NRP2: variants seen among roughly 807,000 people sequenced by gnomAD.
The protein encoded by NRP2 is neuropilin-2.
A neutral mutation model predicts 110.4 loss-of-function variants in NRP2; 52 were observed. That is an observed-to-expected ratio of 0.47 (90% CI 0.38 to 0.59). The LOEUF is 0.59. Among genes scored for constraint, NRP2 ranks in the 20% least tolerant of loss-of-function variants. NRP2 has a pLI of 0.00. For synonymous variants in NRP2, 508 were observed against 468.9 expected, an observed-to-expected ratio of 1.08 and a Z score of -1.08; for missense variants, 1,049 against 1,203.0, an observed-to-expected ratio of 0.87 and a Z score of 1.89.
At chr2:205,702,860 G>A (rs2056589567) in intron 2 of NRP2, among the ~76,000 whole-genome samples, 1 of 152,160 alleles carries the variant, frequency 6.6e-6, no homozygotes, top group Non-Finnish European at 1.5e-5. Context: ...TCCCTCCACA[G>A]TGTCCAGCTG....
intron 7 of NRP2, among the ~76,000 whole-genome samples, chr2:205,736,442 A>G (rs899929327): frequency 1.1e-4 from 17 of 152,342 alleles, no homozygotes; most frequent in African/African-American, 3.8e-4. Context: ...TATAACATAC[A>G]AGGCAACCCA....
intron 3 of NRP2, among the ~76,000 whole-genome samples, chr2:205,717,109 C>G (rs2056914087): frequency 1.3e-5 from 2 of 150,222 alleles, no homozygotes; most frequent in Non-Finnish European, 3.0e-5. Context: ...GACTTTTATT[C>G]ACAAGACCCC....
chr2:205,787,237 G>A (rs2058245326), intron 15 of NRP2, among the ~76,000 whole-genome samples: 1 of 152,108 alleles, frequency 6.6e-6, no homozygotes, highest in African/African-American at 2.4e-5. Flanking sequence ...CCCAGCCTAG[G>A]GCCCTCCACA....
At chr2:205,758,960 C>A (rs2057778380) in intron 12 of NRP2, among the ~76,000 whole-genome samples, 1 of 152,046 alleles carries the variant, frequency 6.6e-6, no homozygotes, top group African/African-American at 2.4e-5. Context: ...TCCAAGTAAT[C>A]AGTAGCCACT....
In NRP2 at chr2:205,722,611, G is replaced by T. The variant is rs767239984; in HGVS notation, c.567G>T (p.Leu189=). The T allele has an allele frequency of 6.2e-7, 1 of 1,614,210 alleles. No individual in the cohort carries two copies. The highest frequency in any genetic ancestry group is 8.5e-7 in the Non-Finnish European group (1 of 1,180,030). Residue 189 remains leucine, a synonymous_variant, in exon 4 of 17, where the codon CTG becomes CTT. Coordinates refer to ENST00000357785, the MANE Select transcript of NRP2 (RefSeq NM_003872.3). ...CCAAACCCAAGATGGAGATCATCCT[G>T]CAGTTCCTGATCTTTGACCTGGAGC... ...ILAKPKMEII[L]QFLIFDLEHD... is the part of the protein sequence containing the mutation.
At chr2:205,684,013 C>T (rs368901170) in intron 1 of NRP2, among the ~76,000 whole-genome samples, 5 of 152,160 alleles carry the variant, frequency 3.3e-5, no homozygotes, top group African/African-American at 1.2e-4. Context: ...GAAAGTAAAT[C>T]GTACGTTCTT....
At chr2:205,699,247 C>G (rs1051020838) in intron 2 of NRP2, among the ~76,000 whole-genome samples, 2 of 152,216 alleles carry the variant, frequency 1.3e-5, no homozygotes, top group African/African-American at 2.4e-5. Flanking sequence ...GATTCCCTGA[C>G]AGTGAACTTT....
At chr2:205,751,585 TA>T (rs2057646440) in intron 11 of NRP2, among the ~76,000 whole-genome samples, 1 of 152,160 alleles carries the variant, frequency 6.6e-6, no homozygotes, top group Admixed American at 6.5e-5. Flanking sequence ...GGGCAAACAT[TA>T]AATATCCTGT....
intron 15 of NRP2, among the ~76,000 whole-genome samples, chr2:205,790,950 T>C (rs2058294374): frequency 6.6e-6 from 1 of 152,236 alleles, no homozygotes; most frequent in South Asian, 2.1e-4. Flanking sequence ...CAAGTTGTTT[T>C]GTGCATCCCT....
At chr2:205,735,206 T>C (rs2057321517) in intron 7 of NRP2, among the ~76,000 whole-genome samples, 1 of 150,296 alleles carries the variant, frequency 6.7e-6, no homozygotes, top group African/African-American at 2.5e-5. Context: ...AGATGAATGG[T>C]ATATAAGAAA....
intron 1 of NRP2, among the ~76,000 whole-genome samples, chr2:205,693,817 T>C (rs2056364356): frequency 6.6e-6 from 1 of 152,226 alleles, no homozygotes; most frequent in Non-Finnish European, 1.5e-5. Flanking sequence ...TCAGTTCAAC[T>C]AAAGCGAGGG....
intron 2 of NRP2, 94 bp downstream of exon 2, chr2:205,697,815 C>G (rs1175838903): frequency 8.1e-6 from 10 of 1,228,030 alleles, no homozygotes. Flanking sequence ...ACCCCTCACC[C>G]CAAGACCTGC....
At chr2:205,697,506 A>C (rs746073365) in intron 1 of NRP2, 38 bp from the exon 2 acceptor site, 1 of 1,577,666 alleles carries the variant, frequency 6.3e-7, no homozygotes, top group South Asian at 1.1e-5. Flanking sequence ...AAGTTGTAAC[A>C]TATTTGAAGT....
chr2:205,765,369 T>TACAC, intron 13 of NRP2, 105 bp from the exon 14 acceptor site: 1 of 710,604 alleles, frequency 1.4e-6, no homozygotes, highest in Non-Finnish European at 2.4e-6. Context: ...CACACACACA[T>TACAC]ACACACACAC....
In NRP2 at chr2:205,766,813, T is replaced by C; in HGVS notation, c.2425+10T>C. 6.2e-7 allele frequency: 1 copy of C among 1,611,874 alleles called. No individual in the cohort carries two copies. Among genetic ancestry groups the C allele is most frequent in the Non-Finnish European group, 8.5e-7 (1 of 1,179,856 alleles). ...ATCTCGGCTTTTGCAGGTGAGAATT[T>C]TAAAGGTAAAAAAAAATTTTTTTTT... On this transcript the variant is annotated intron_variant, in intron 15 of 16. Transcript: ENST00000357785.
rs181896964 is a variant in NRP2 at position 205,720,479 on chromosome 2, G to T, written c.434-1999G>T. Reference sequence around the variant, plus strand: ...CCGCCAGAAAATTCCCCACTCCCAGGGGGGTGGACATTCCCCTTGCCTTCT... The same window carrying T: ...CCGCCAGAAAATTCCCCACTCCCAGTGGGGTGGACATTCCCCTTGCCTTCT... On this transcript the variant is annotated intron_variant, in intron 3 of 16. Coordinates refer to ENST00000357785, the MANE Select transcript of NRP2 (RefSeq NM_003872.3). Among the ~76,000 whole-genome samples, 202 of 152,156 alleles carry T rather than the reference G, an allele frequency of 1.3e-3. 1 individual carries two copies. The highest frequency in any genetic ancestry group is 4.6e-3 in the African/African-American group (190 of 41,534).
At chr2:205,684,785 C>A (rs2056105331) in intron 1 of NRP2, among the ~76,000 whole-genome samples, 1 of 152,236 alleles carries the variant, frequency 6.6e-6, no homozygotes, top group African/African-American at 2.4e-5. Context: ...TTCTAAATTC[C>A]CAGCTTGAAG....
At chr2:205,723,469 C>A (rs538534562) in intron 4 of NRP2, among the ~76,000 whole-genome samples, 1 of 152,182 alleles carries the variant, frequency 6.6e-6, no homozygotes, top group South Asian at 2.1e-4. Context: ...AAATCACATG[C>A]GCTCTCCAAA....
chr2:205,713,037 T>C (rs1354348903), intron 2 of NRP2, among the ~76,000 whole-genome samples: 1 of 152,242 alleles, frequency 6.6e-6, no homozygotes, highest in Non-Finnish European at 1.5e-5. Context: ...ATGTATTTGT[T>C]GCAGGCAGCA....
Sources: allele counts gnomAD v4.1 joint callset (sites outside exome capture counted in the v4.1 genomes callset), GRCh38; gene constraint gnomAD v4.1.1; transcripts MANE v1.5; gene names NCBI Gene and HGNC (gene_info 2026-07-23, HGNC 2026-07-21).